SATL1: variants seen among roughly 807,000 people sequenced by gnomAD.
SATL1 encodes spermidine/spermine N1-acetyl transferase like 1.
Under a neutral mutation model 51.8 loss-of-function variants are expected in SATL1, and 47 were observed. That is an observed-to-expected ratio of 0.91 (90% CI 0.72 to 1.16). The LOEUF (loss-of-function observed/expected upper bound fraction) is 1.16, where lower values mean the gene tolerates loss of function less well. Among genes scored for constraint, SATL1 ranks in the 50% most tolerant of loss-of-function variants. SATL1 has a pLI of 0.00. For missense variants in SATL1, 520 were observed against 526.4 expected (o/e 0.99, Z 0.12); for synonymous variants, 176 against 182.4 (o/e 0.97, Z 0.28).
intron 2 of SATL1, among the ~76,000 whole-genome samples, chrX:85,126,201 C>T (rs1333790930): frequency 9.0e-6 from 1 of 110,960 alleles, no homozygotes; most frequent in Non-Finnish European, 1.9e-5. Flanking sequence ...TTTACATCTT[C>T]CCTATCATCC....
chrX:85,134,168 TGTGTGTGTGTGTGTATA>T lies in SATL1; in HGVS notation c.-312-24905_-312-24889del, dbSNP rs1290521535. 5.7e-3 allele frequency among the ~76,000 whole-genome samples: 624 copies of T among 110,064 alleles called. 2 individuals are homozygous for T. Among genetic ancestry groups the T allele is most frequent in the Middle Eastern group, 0.014 (3 of 212 alleles). Reference sequence around the variant, plus strand: ...ATATGTATGTGTGTATGTATATATATGTGTGTGTGTGTGTATAGTGTGTGTGTGTGTATAGTGTGTGT... The same window carrying T: ...ATATGTATGTGTGTATGTATATATATGTGTGTGTGTGTGTATAGTGTGTGT... On this transcript the variant is annotated intron_variant, in intron 2 of 7. Coordinates refer to ENST00000644105, the MANE Select transcript of SATL1 (RefSeq NM_001367857.2).
intron 2 of SATL1, among the ~76,000 whole-genome samples, chrX:85,154,134 G>T (rs886423794): frequency 8.1e-5 from 9 of 111,606 alleles, no homozygotes; most frequent in African/African-American, 2.6e-4. Context: ...AAACTGGAAA[G>T]TCACTTCCCC....
chrX:85,164,394 T>C (rs971160347), intron 2 of SATL1, among the ~76,000 whole-genome samples: 3 of 111,977 alleles, frequency 2.7e-5, no homozygotes, highest in African/African-American at 9.8e-5. Flanking sequence ...GTTTCAAGAT[T>C]TAGAACTGCT....
At chrX:85,177,768 T>C (rs1411943209) in intron 2 of SATL1, among the ~76,000 whole-genome samples, 1 of 111,816 alleles carries the variant, frequency 8.9e-6, no homozygotes, top group Non-Finnish European at 1.9e-5. Context: ...TTTTGCACAG[T>C]TCCAAAAGGC....
In SATL1 at chrX:85,107,756, C is replaced by G. The variant is rs1925104151; in HGVS notation, c.1213G>C (p.Gly405Arg). Reference protein sequence around the residue: ...SMRQVGTSQSGTSQIGMSQPG... With the variant: ...SMRQVGTSQSRTSQIGMSQPG... ...TGGCTCATGCCTATTTGGCTTGTGC[C>G]TGATTGGCTGGTGCCTACTTGTCTC... Residue 405 changes from glycine (G) to arginine (R), a missense_variant, in exon 3 of 8, where the codon GGC becomes CGC. Gly to Arg is a moderately radical substitution (Grantham distance 125). This residue lies in a region of SATL1 where 488 missense variants were observed against 474.3 expected (regional missense o/e 1.03). Transcript: ENST00000644105. 8.3e-7 allele frequency: 1 copy of G among 1,211,514 alleles called. No homozygotes were observed. The highest frequency in any genetic ancestry group is 1.7e-5 in the African/African-American group (1 of 57,731).
chrX:85,197,394 C>A (rs1325267726), intron 2 of SATL1, among the ~76,000 whole-genome samples: 1 of 110,756 alleles, frequency 9.0e-6, no homozygotes, highest in African/African-American at 3.3e-5. Flanking sequence ...GTTATTAATA[C>A]CCTTTTAGTT....
chrX:85,200,349 T>C (rs1569246070), intron 2 of SATL1, among the ~76,000 whole-genome samples: 2 of 112,086 alleles, frequency 1.8e-5, no homozygotes, highest in African/African-American at 6.5e-5. Flanking sequence ...ATTGAAGAAG[T>C]GACATCCCTT....
intron 2 of SATL1, among the ~76,000 whole-genome samples, chrX:85,217,616 T>G (rs1343588937): frequency 8.9e-6 from 1 of 111,935 alleles, no homozygotes; most frequent in Non-Finnish European, 1.9e-5. Context: ...CAAGGATACA[T>G]GGTAACCAAG....
intron 2 of SATL1, among the ~76,000 whole-genome samples, chrX:85,168,718 A>G (rs968672937): frequency 1.2e-4 from 14 of 112,165 alleles, no homozygotes; most frequent in Admixed American, 9.5e-4. Flanking sequence ...TATAGGTTCA[A>G]TGCTATTTCT....
At chrX:85,146,050 C>A (rs1340716175) in intron 2 of SATL1, among the ~76,000 whole-genome samples, 1 of 110,101 alleles carries the variant, frequency 9.1e-6, no homozygotes, top group Non-Finnish European at 1.9e-5. Context: ...GCGCCCGCCA[C>A]CACGCCCGGC....
At chrX:85,170,015 A>G (rs1021104044) in intron 2 of SATL1, among the ~76,000 whole-genome samples, 1 of 111,104 alleles carries the variant, frequency 9.0e-6, no homozygotes, top group Non-Finnish European at 1.9e-5. Context: ...ACTAATGAAG[A>G]ACAACAACAA....
At chrX:85,105,648 T>G (rs1569464625) in intron 3 of SATL1, among the ~76,000 whole-genome samples, 1 of 111,422 alleles carries the variant, frequency 9.0e-6, no homozygotes, top group Non-Finnish European at 1.9e-5. Flanking sequence ...CAGAGGATAC[T>G]TGGAATGGGA....
At chrX:85,184,127 T>A (rs1018439105) in intron 2 of SATL1, among the ~76,000 whole-genome samples, 3 of 112,046 alleles carry the variant, frequency 2.7e-5, no homozygotes, top group Non-Finnish European at 5.6e-5. Context: ...TCATTCTTTT[T>A]ATGGCTGAAT....
At chrX:85,134,442 T>A (rs1445524996) in intron 2 of SATL1, among the ~76,000 whole-genome samples, 1 of 111,477 alleles carries the variant, frequency 9.0e-6, no homozygotes, top group Non-Finnish European at 1.9e-5. Flanking sequence ...GCCAGGTAGG[T>A]ATAATGCTAG....
chrX:85,206,632 T>C (rs1414203655), intron 2 of SATL1, among the ~76,000 whole-genome samples: 1 of 110,630 alleles, frequency 9.0e-6, no homozygotes, highest in Admixed American at 9.7e-5. Context: ...GAAAGAGTGG[T>C]GAAGGAGTGT....
intron 2 of SATL1, among the ~76,000 whole-genome samples, chrX:85,126,542 C>T (rs749083896): frequency 9.0e-6 from 1 of 111,160 alleles, no homozygotes; most frequent in South Asian, 3.8e-4. Flanking sequence ...CCACTACTGC[C>T]GCTTTCGGTA....
intron 1 of SATL1, among the ~76,000 whole-genome samples, chrX:85,230,006 G>C (rs184955811): frequency 1.5e-3 from 162 of 111,189 alleles, no homozygotes; most frequent in Non-Finnish European, 2.7e-3. Flanking sequence ...TACCCAAAGA[G>C]ATCTATGGAT....
intron 2 of SATL1, among the ~76,000 whole-genome samples, chrX:85,183,175 C>G (rs1270352141): frequency 9.0e-6 from 1 of 111,041 alleles, no homozygotes; most frequent in African/African-American, 3.3e-5. Flanking sequence ...AAGGATTTCC[C>G]TTATTTTTTT....
chrX:85,239,110 TAATAA>T (rs1438972607), intron 1 of SATL1, among the ~76,000 whole-genome samples: 1 of 110,277 alleles, frequency 9.1e-6, no homozygotes, highest in Non-Finnish European at 1.9e-5. Flanking sequence ...TTACCACGAT[TAATAA>T]AATAAAATAA....
Sources: gnomAD v4.1 joint callset for allele counts (sites outside exome capture counted in the v4.1 genomes callset) on GRCh38, gnomAD v4.1.1 for gene constraint, gnomAD v4.1.1 regional missense constraint, MANE v1.5 for transcripts, NCBI Gene and HGNC (gene_info 2026-07-23, HGNC 2026-07-21) for gene names.